The following SMARCA1 variants were observed in gnomAD, a reference collection of about 807,000 sequenced individuals.
SMARCA1 encodes the protein SNF2 related chromatin remodeling ATPase 1, also known as SWI/SNF-related matrix-associated actin-dependent regulator of chromatin subfamily A member 1.
In SMARCA1, 17 loss-of-function variants were observed where a neutral mutation model predicts 93.6. The observed-to-expected ratio is 0.18, with a 90% CI of 0.12 to 0.27. The LOEUF is 0.27. Among genes scored for constraint, SMARCA1 ranks in the 10% least tolerant of loss-of-function variants. The pLI is 1.00. For missense variants in SMARCA1, 630 were observed against 819.0 expected, an observed-to-expected ratio of 0.77 and a Z score of 2.82; for synonymous variants, 271 against 271.4, an observed-to-expected ratio of 1.00 and a Z score of 0.01.
At chrX:129,472,352 C>G (rs1267410128) in intron 19 of SMARCA1, among the ~76,000 whole-genome samples, 1 of 111,168 alleles carries the variant, frequency 9.0e-6, no homozygotes, top group Non-Finnish European at 1.9e-5. Flanking sequence ...GCTTGAAATG[C>G]ACACATGACT....
At chrX:129,501,759 G>A (rs1040335993) in intron 9 of SMARCA1, among the ~76,000 whole-genome samples, 3 of 110,025 alleles carry the variant, frequency 2.7e-5, no homozygotes, top group Non-Finnish European at 3.8e-5. Flanking sequence ...GACTATAGGC[G>A]CGAGCCACCA....
chrX:129,452,240 C>A (rs1732722381), intron 23 of SMARCA1, among the ~76,000 whole-genome samples: 3 of 112,171 alleles, frequency 2.7e-5, no homozygotes, highest in African/African-American at 9.7e-5. Flanking sequence ...ACATCTTTAT[C>A]TTCCTATTTT....
intron 11 of SMARCA1, 27 bp downstream of exon 11, chrX:129,497,818 A>T: frequency 1.0e-6 from 1 of 952,989 alleles, no homozygotes; most frequent in East Asian, 3.1e-5. Context: ...AATTTATTCC[A>T]TGCTAATTTA....
At chrX:129,488,401 A>G (rs1933985033) in intron 16 of SMARCA1, among the ~76,000 whole-genome samples, 1 of 107,696 alleles carries the variant, frequency 9.3e-6, no homozygotes, top group African/African-American at 3.4e-5. Context: ...TTGGGGCCAG[A>G]GGTTCAAGAT....
chrX:129,465,869 C>T lies in SMARCA1; in HGVS notation c.2792G>A (p.Ser931Asn). ...RGEARIQRRISIKKALDAKIA... is the reference protein window; with the variant it reads ...RGEARIQRRINIKKALDAKIA... ...TTTGGCATCCAGGGCTTTCTTGATACTGATCCTTCGTTGAATTCTTGCTTC... is the reference window on the plus strand; with the variant it reads ...TTTGGCATCCAGGGCTTTCTTGATATTGATCCTTCGTTGAATTCTTGCTTC... The change falls in exon 22 of 25, where the codon AGT becomes AAT. Residue 931 changes from serine to asparagine, a missense_variant. Coordinates refer to ENST00000371121, the MANE Select transcript of SMARCA1 (RefSeq NM_001282874.2). 1 of 1,174,079 alleles carries T rather than the reference C, an allele frequency of 8.5e-7. No individual in the cohort carries two copies. Among genetic ancestry groups the T allele is most frequent in the Non-Finnish European group, 1.1e-6 (1 of 873,133 alleles).
chrX:129,465,661 A>G lies in SMARCA1; in HGVS notation c.2889T>C (p.Thr963=). The change falls in exon 23 of 25, where the codon ACT becomes ACC. Residue 963 remains threonine (T), a synonymous_variant. Transcript: ENST00000371121. ...QYGTSKGKNY[T]EEEDRFLICM... is the part of the protein sequence containing the mutation. ...AAATCAAGAATCTATCTTCTTCCTC[A>G]GTATAGTTCTTTCCTTTGCTGGTTC... The G allele has an allele frequency of 8.3e-7, 1 of 1,201,156 alleles. No homozygotes were observed. Among genetic ancestry groups the G allele is most frequent in the Non-Finnish European group, 1.1e-6 (1 of 889,069 alleles).
intron 12 of SMARCA1, among the ~76,000 whole-genome samples, chrX:129,493,315 A>T (rs1464646990): frequency 8.9e-6 from 1 of 111,994 alleles, no homozygotes; most frequent in Non-Finnish European, 1.9e-5. Context: ...TGTACTTTAC[A>T]TATAGTATAT....
intron 19 of SMARCA1, among the ~76,000 whole-genome samples, chrX:129,475,342 A>C (rs1933331704): frequency 9.1e-6 from 1 of 109,556 alleles, no homozygotes; most frequent in Non-Finnish European, 1.9e-5. Context: ...AACATGATGA[A>C]ACCCCGTCTC....
intron 16 of SMARCA1, among the ~76,000 whole-genome samples, chrX:129,488,610 T>TAAAA (rs35620990): frequency 1.5e-5 from 1 of 64,947 alleles, no homozygotes; most frequent in African/African-American, 6.0e-5. Context: ...CCTGTCTCTT[T>TAAAA]AAAAAAAAAA....
chrX:129,487,214 A>G, intron 16 of SMARCA1, 77 bp from the exon 17 acceptor site: 1 of 730,190 alleles, frequency 1.4e-6, no homozygotes, highest in Non-Finnish European at 2.0e-6. Flanking sequence ...TACCTTTTTA[A>G]TAGTCAGGTT....
At chrX:129,493,107 T>C (rs1360339304) in intron 12 of SMARCA1, 32 bp from the exon 13 acceptor site, 2 of 425,360 alleles carry the variant, frequency 4.7e-6, no homozygotes, top group Admixed American at 3.6e-5. Flanking sequence ...TGCACAAAGA[T>C]TTATGTATAA....
At chrX:129,480,985 T>G (rs1933629964) in intron 18 of SMARCA1, 90 bp downstream of exon 18, 1 of 600,409 alleles carries the variant, frequency 1.7e-6, no homozygotes, top group African/African-American at 2.3e-5. Context: ...AGACTATGAT[T>G]TGGCAATGAT....
chrX:129,465,836 C>G lies in SMARCA1; in HGVS notation c.2817+8G>C, dbSNP rs776472796. ...GATCTAATAATAATTTGACATAAAA[C>G]ATAGTACTTTGGCATCCAGGGCTTT... On this transcript the variant is annotated splice_region_variant and intron_variant, in intron 22 of 24. Coordinates refer to ENST00000371121, the MANE Select transcript of SMARCA1 (RefSeq NM_001282874.2). 9.0e-7 allele frequency: 1 copy of G among 1,106,125 alleles called. No homozygotes were observed. Among genetic ancestry groups the G allele is most frequent in the Admixed American group, 2.7e-5 (1 of 36,782 alleles). The allele number at this position is 1,106,125 out of a possible 1,213,427, so 91.2% of individuals were successfully genotyped here.
At chrX:129,510,059 C>T (rs1934969138) in intron 6 of SMARCA1, among the ~76,000 whole-genome samples, 1 of 112,332 alleles carries the variant, frequency 8.9e-6, no homozygotes, top group African/African-American at 3.2e-5. Flanking sequence ...TACATATCCA[C>T]ATCAATCTCT....
chrX:129,515,539 A>G, intron 5 of SMARCA1, 148 bp downstream of exon 5: 2 of 456,792 alleles, frequency 4.4e-6, no homozygotes, highest in Non-Finnish European at 7.7e-6. Context: ...AAAAATAATA[A>G]TAATTCTAAG....
intron 9 of SMARCA1, among the ~76,000 whole-genome samples, chrX:129,503,888 G>A (rs1174257669): frequency 9.4e-6 from 1 of 106,310 alleles, no homozygotes; most frequent in Non-Finnish European, 1.9e-5. Flanking sequence ...CTTGAACCCG[G>A]GAGGCAGAAG....
Position 129,523,350 on chromosome X carries a change from T to G in SMARCA1, c.21A>C (p.Ala7=). The change falls in exon 1 of 25, where the codon GCA becomes GCC. Residue 7 remains alanine, a synonymous_variant. Coordinates refer to ENST00000371121, the MANE Select transcript of SMARCA1 (RefSeq NM_001282874.2). ...CCGCGGCTGCCACGGTGGCTGCCAC[T>G]GCGGCAGTGTCCTGCTCCATGCCGT... MEQDTA[A]VAATVAAADA... The G allele has an allele frequency of 1.7e-6, 2 of 1,193,126 alleles. No homozygotes were observed. The highest frequency in any genetic ancestry group is 2.2e-6 in the Non-Finnish European group (2 of 888,924).
rs188121092 is a variant in SMARCA1 at position 129,492,710 on chromosome X, C to G, written c.1662+330G>C. On this transcript the variant is annotated intron_variant, in intron 13 of 24. Coordinates refer to ENST00000371121, the MANE Select transcript of SMARCA1 (RefSeq NM_001282874.2). Reference sequence around the variant, plus strand: ...GAATGTTAAAATTAATATGAATATTCTTACTATATAAAGATCTCATACAAA... The same window carrying G: ...GAATGTTAAAATTAATATGAATATTGTTACTATATAAAGATCTCATACAAA... 4.1e-3 allele frequency among the ~76,000 whole-genome samples: 457 copies of G among 110,609 alleles called. 2 individuals are homozygous for G. Among genetic ancestry groups the G allele is most frequent in the African/African-American group, 0.015 (445 of 30,524 alleles).
chrX:129,483,279 T>C (rs1291945187), intron 17 of SMARCA1, among the ~76,000 whole-genome samples: 1 of 111,768 alleles, frequency 8.9e-6, no homozygotes, highest in Non-Finnish European at 1.9e-5. Context: ...TGAAACAAAC[T>C]ACCCTGAGAG....
Sources: allele counts gnomAD v4.1 joint callset (sites outside exome capture counted in the v4.1 genomes callset), GRCh38; gene constraint gnomAD v4.1.1; transcripts MANE v1.5; gene names NCBI Gene and HGNC (gene_info 2026-07-23, HGNC 2026-07-21).